SESTD1: variants seen among roughly 807,000 people sequenced by gnomAD.
The protein encoded by SESTD1 is SEC14 domain and spectrin repeat-containing protein 1.
Under a neutral mutation model 101.7 loss-of-function variants are expected in SESTD1, and 43 were observed. The observed-to-expected ratio is 0.42, with a 90% CI of 0.33 to 0.55. The LOEUF is 0.55. SESTD1 is among the 20% of genes least tolerant of loss of function. The pLI is 0.07. For synonymous variants in SESTD1, 283 were observed against 286.8 expected (o/e 0.99, Z 0.13); for missense variants, 647 against 815.1 (o/e 0.79, Z 2.51).
Position 179,186,684 on chromosome 2 carries a change from ATTT to A in SESTD1, c.56-3499_56-3497del, listed in dbSNP as rs35153936. 6.1e-3 allele frequency among the ~76,000 whole-genome samples: 729 copies of A among 118,644 alleles called. 4 individuals are homozygous for A. Among genetic ancestry groups the A allele is most frequent in the African/African-American group, 0.018 (559 of 30,844 alleles). 77.8% of individuals were successfully genotyped at this position (118,644 alleles called of 152,430 possible). Reference sequence around the variant, plus strand: ...TATCAGAAGACTGTATTTTCAGGGAATTTTTTTTTTTTTTTTTTTTTGAGACGG... The same window carrying A: ...TATCAGAAGACTGTATTTTCAGGGAATTTTTTTTTTTTTTTTTTGAGACGG... On this transcript the variant is annotated intron_variant, in intron 2 of 17. Coordinates refer to ENST00000428443, the MANE Select transcript of SESTD1 (RefSeq NM_178123.5).
chr2:179,142,329 C>T (rs1436368439), intron 9 of SESTD1, among the ~76,000 whole-genome samples: 3 of 152,170 alleles, frequency 2.0e-5, no homozygotes, highest in Non-Finnish European at 4.4e-5. Context: ...CATATAATAA[C>T]TACCACTGAT....
chr2:179,222,071 C>T (rs1448794530), intron 1 of SESTD1, among the ~76,000 whole-genome samples: 2 of 152,184 alleles, frequency 1.3e-5, no homozygotes, highest in Non-Finnish European at 1.5e-5. Context: ...ACATAGGACA[C>T]ATGGAAAACC....
intron 16 of SESTD1, among the ~76,000 whole-genome samples, chr2:179,114,208 C>T (rs987492411): frequency 9.9e-5 from 15 of 152,180 alleles, no homozygotes; most frequent in Admixed American, 7.9e-4. Context: ...CACTGATCTA[C>T]GGAGTTCAAT....
At chr2:179,191,755 C>T (rs1299204779) in intron 2 of SESTD1, 32 bp downstream of exon 2, 23 of 1,582,760 alleles carry the variant, frequency 1.5e-5, no homozygotes, top group Non-Finnish European at 1.9e-5. Flanking sequence ...GTTTGTATAT[C>T]AAACACTTCA....
At chr2:179,190,766 C>T (rs904482128) in intron 2 of SESTD1, among the ~76,000 whole-genome samples, 3 of 152,020 alleles carry the variant, frequency 2.0e-5, no homozygotes, top group African/African-American at 7.2e-5. Flanking sequence ...ACACAAGTGG[C>T]CAACAAGCAT....
intron 1 of SESTD1, among the ~76,000 whole-genome samples, chr2:179,210,303 A>T (rs1455085541): frequency 2.2e-5 from 3 of 134,882 alleles, no homozygotes; most frequent in African/African-American, 8.8e-5. Context: ...TTCCAAGATA[A>T]ACAGGGAATC....
intron 10 of SESTD1, among the ~76,000 whole-genome samples, chr2:179,125,864 C>T (rs1320672088): frequency 6.6e-6 from 1 of 152,172 alleles, no homozygotes; most frequent in Non-Finnish European, 1.5e-5. Flanking sequence ...ATCCCCAACC[C>T]TCCGTTCTTC....
intron 5 of SESTD1, among the ~76,000 whole-genome samples, chr2:179,154,814 T>C (rs1381213682): frequency 6.6e-6 from 1 of 152,154 alleles, no homozygotes; most frequent in Non-Finnish European, 1.5e-5. Flanking sequence ...TAACCAATAA[T>C]AAGAGAATTA....
At chr2:179,125,351 C>A (rs984875281) in intron 10 of SESTD1, among the ~76,000 whole-genome samples, 2 of 152,176 alleles carry the variant, frequency 1.3e-5, no homozygotes, top group African/African-American at 2.4e-5. Context: ...CATCCTTGAT[C>A]AAAGGCTATA....
At chr2:179,157,512 A>G (rs11903685) in intron 5 of SESTD1, among the ~76,000 whole-genome samples, 12,973 of 152,178 alleles carry the variant, frequency 0.085, 1,832 homozygotes, top group African/African-American at 0.3. Flanking sequence ...CTTTGTTTTC[A>G]TATTTAGAAT....
chr2:179,112,617 A>G, intron 17 of SESTD1, 107 bp downstream of exon 17: 1 of 1,370,120 alleles, frequency 7.3e-7, no homozygotes, highest in Non-Finnish European at 9.7e-7. Context: ...AAAGATGTGG[A>G]CCAAACCTAA....
In SESTD1 at chr2:179,116,796, C is replaced by T. The variant is rs1364049094; in HGVS notation, c.1525-6G>A. On this transcript the variant is annotated splice_region_variant and splice_polypyrimidine_tract_variant and intron_variant, in intron 14 of 17. Coordinates refer to ENST00000428443, the MANE Select transcript of SESTD1 (RefSeq NM_178123.5). Reference sequence around the variant, plus strand: ...TCACTTAGCCATTCTACTGCCTAAACAAAAAGACATAACAATGAAGCTGGA... The same window carrying T: ...TCACTTAGCCATTCTACTGCCTAAATAAAAAGACATAACAATGAAGCTGGA... 6.2e-7 allele frequency: 1 copy of T among 1,611,374 alleles called. No homozygotes were observed. The highest frequency in any genetic ancestry group is 1.1e-5 in the South Asian group (1 of 90,834).
At chr2:179,123,898 A>G in intron 11 of SESTD1, 69 bp from the exon 12 acceptor site, 1 of 1,140,576 alleles carries the variant, frequency 8.8e-7, no homozygotes, top group Non-Finnish European at 1.3e-6. Flanking sequence ...ATGATTAATG[A>G]GGTTTATATC....
chr2:179,200,696 T>A (rs1386429295), intron 1 of SESTD1, among the ~76,000 whole-genome samples: 1 of 141,756 alleles, frequency 7.1e-6, no homozygotes, highest in Non-Finnish European at 1.5e-5. Context: ...TAATAAACGG[T>A]GCTGGGAAAA....
rs1391724498 is a variant in SESTD1, at chr2:179,259,310, C to A, written c.-26+5189G>T. 2.0e-5 allele frequency among the ~76,000 whole-genome samples: 3 copies of A among 152,168 alleles called. No homozygotes were observed. In the East Asian group the frequency reaches 5.8e-4, roughly 29 times the overall value. ...GCAGTGGCGCGATCTCGGCTCACTG[C>A]AACCTCCACCTCCCGGGTTCAAGCA... is the stretch of plus-strand genomic sequence containing the variant. On this transcript the variant is annotated intron_variant, in intron 1 of 17. Transcript: ENST00000428443.
At chr2:179,170,402 T>A (rs114788477) in intron 5 of SESTD1, among the ~76,000 whole-genome samples, 1,874 of 152,170 alleles carry the variant, frequency 0.012, 34 homozygotes, top group African/African-American at 0.039. Context: ...TTATTTTTTT[T>A]AAAAAATAGG....
At chr2:179,132,551 C>A in intron 9 of SESTD1, 125 bp from the exon 10 acceptor site, 1 of 1,054,588 alleles carries the variant, frequency 9.5e-7, no homozygotes, top group Non-Finnish European at 1.3e-6. Flanking sequence ...TACATTCTAT[C>A]ACATAGGCAG....
chr2:179,174,473 A>G (rs1242683728), intron 4 of SESTD1: 1 of 465,978 alleles, frequency 2.1e-6, no homozygotes, highest in East Asian at 7.0e-5. Flanking sequence ...GACACAGTTG[A>G]AATGACAGGA....
intron 2 of SESTD1, 132 bp downstream of exon 2, chr2:179,191,655 T>A (rs913126499): frequency 1.3e-6 from 1 of 760,184 alleles, no homozygotes; most frequent in African/African-American, 1.8e-5. Context: ...TCATTCTGAT[T>A]TAAAGATGTC....
Sources: gnomAD v4.1 joint callset for allele counts (sites outside exome capture counted in the v4.1 genomes callset) on GRCh38, gnomAD v4.1.1 for gene constraint, MANE v1.5 for transcripts, NCBI Gene and HGNC (gene_info 2026-07-23, HGNC 2026-07-21) for gene names.